The following ECT2L variants were observed in gnomAD, a reference collection of about 807,000 sequenced individuals.
The protein encoded by ECT2L is epithelial cell transforming 2 like, also known as epithelial cell-transforming sequence 2 oncogene-like.
A neutral mutation model predicts 122.8 loss-of-function variants in ECT2L; 126 were observed. The observed-to-expected ratio is 1.03, with a 90% CI of 0.89 to 1.19. The LOEUF is 1.19. ECT2L is among the 50% of genes most tolerant of loss of function. The pLI is 0.00. For synonymous variants in ECT2L, 385 were observed against 381.8 expected (o/e 1.01, Z -0.10); for missense variants, 1,012 against 1,064.1 (o/e 0.95, Z 0.68).
intron 1 of ECT2L, among the ~76,000 whole-genome samples, chr6:138,797,792 G>C (rs1328524557): frequency 1.3e-5 from 2 of 151,856 alleles, no homozygotes; most frequent in African/African-American, 2.4e-5. Context: ...ATTTAACCCA[G>C]TTCTGACACT....
chr6:138,849,252 T>C lies in ECT2L; in HGVS notation c.904-17T>C. The C allele has an allele frequency of 1.3e-6, 2 of 1,588,270 alleles. No individual in the cohort carries two copies. The highest frequency in any genetic ancestry group is 1.8e-5 in the Admixed American group (1 of 55,588). ...ATAGTGGGTCTTGGCTCTTACAGCT[T>C]TGGTTTCATTCTCCAGATGGTGATG... On this transcript the variant is annotated splice_polypyrimidine_tract_variant and intron_variant, in intron 8 of 21. Transcript: ENST00000541398.
chr6:138,844,111 G>A (rs1415947163), intron 6 of ECT2L, among the ~76,000 whole-genome samples: 1 of 152,204 alleles, frequency 6.6e-6, no homozygotes, highest in Non-Finnish European at 1.5e-5. Flanking sequence ...ATTGCTTGAA[G>A]GCAAGAAGAA....
intron 12 of ECT2L, among the ~76,000 whole-genome samples, chr6:138,867,229 A>G (rs1211460729): frequency 6.6e-6 from 1 of 152,246 alleles, no homozygotes; most frequent in Non-Finnish European, 1.5e-5. Context: ...TCCAATTTAT[A>G]CATTTCATTC....
At chr6:138,844,310 C>T (rs186059309) in intron 6 of ECT2L, 102 bp from the exon 7 acceptor site, 1 of 1,364,490 alleles carries the variant, frequency 7.3e-7, no homozygotes. Context: ...TCATTTGGAA[C>T]CTTGCCCTGG....
At chr6:138,860,177 T>C (rs1272046858) in intron 10 of ECT2L, among the ~76,000 whole-genome samples, 1 of 152,188 alleles carries the variant, frequency 6.6e-6, no homozygotes, top group African/African-American at 2.4e-5. Flanking sequence ...TGCTCTTGTA[T>C]AGATCATCTT....
chr6:138,884,073 C>T (rs1488234666), intron 16 of ECT2L, among the ~76,000 whole-genome samples: 2 of 151,980 alleles, frequency 1.3e-5, no homozygotes, highest in Non-Finnish European at 2.9e-5. Flanking sequence ...ACCATGTTGT[C>T]CAGGCTGGTC....
At chr6:138,902,028 T>C (rs1779412885) in intron 21 of ECT2L, among the ~76,000 whole-genome samples, 1 of 152,246 alleles carries the variant, frequency 6.6e-6, no homozygotes, top group Non-Finnish European at 1.5e-5. Context: ...TCTCCTTCAG[T>C]TCCCCTCCCA....
chr6:138,824,045 C>T (rs1047417770), intron 4 of ECT2L, among the ~76,000 whole-genome samples: 2 of 151,134 alleles, frequency 1.3e-5, no homozygotes, highest in African/African-American at 2.4e-5. Flanking sequence ...GTGAATAACA[C>T]TCTGCTGTAA....
intron 10 of ECT2L, among the ~76,000 whole-genome samples, chr6:138,855,697 G>A (rs535172615): frequency 2.6e-4 from 40 of 152,290 alleles, no homozygotes; most frequent in Admixed American, 6.5e-4. Flanking sequence ...GTGAGGTGGT[G>A]TATGTATAGA....
At chr6:138,880,498 T>C (rs1778608608) in intron 14 of ECT2L, among the ~76,000 whole-genome samples, 1 of 152,148 alleles carries the variant, frequency 6.6e-6, no homozygotes, top group African/African-American at 2.4e-5. Flanking sequence ...GCTAGCTCAT[T>C]TCAGTTCTTC....
chr6:138,833,629 C>A (rs747338607), intron 4 of ECT2L, among the ~76,000 whole-genome samples: 4 of 151,910 alleles, frequency 2.6e-5, no homozygotes, highest in Admixed American at 1.3e-4. Flanking sequence ...GTGACGAAAC[C>A]CTGTCTTCAC....
chr6:138,844,510 G>T lies in ECT2L; in HGVS notation c.694G>T (p.Glu232Ter), dbSNP rs1777153268. Residue 232 changes from glutamate (E) to a stop codon, truncating the protein, a stop_gained, in exon 7 of 22, where the codon GAG becomes TAG. Transcript: ENST00000541398. LOFTEE classifies it high-confidence loss of function. ...CQPRLSQTVRERVGLHEALEK... is the reference protein window; with the variant it reads ...CQPRLSQTVR Reference sequence around the variant, plus strand: ...ACCACGCCTCTCCCAGACTGTAAGGGAGCGAGTGGGATTACATGAAGCTTT... The same window carrying T: ...ACCACGCCTCTCCCAGACTGTAAGGTAGCGAGTGGGATTACATGAAGCTTT... The T allele has an allele frequency of 6.2e-7, 1 of 1,614,038 alleles. No individual in the cohort carries two copies.
intron 16 of ECT2L, among the ~76,000 whole-genome samples, 168 bp from the exon 17 acceptor site, chr6:138,885,338 C>T (rs1373257837): frequency 6.6e-6 from 1 of 152,114 alleles, no homozygotes; most frequent in Non-Finnish European, 1.5e-5. Context: ...AACACACATT[C>T]TTAACATATT....
chr6:138,883,969 TCCTCC>T (rs1396651438), intron 16 of ECT2L, among the ~76,000 whole-genome samples: 1 of 152,112 alleles, frequency 6.6e-6, no homozygotes, highest in Non-Finnish European at 1.5e-5. Flanking sequence ...GCTCAGGTGA[TCCTCC>T]CACCTCAGCC....
intron 6 of ECT2L, among the ~76,000 whole-genome samples, chr6:138,844,196 C>T (rs918740761): frequency 6.6e-6 from 1 of 152,184 alleles, no homozygotes; most frequent in Non-Finnish European, 1.5e-5. Flanking sequence ...TTTGCTTGTT[C>T]TCTGAGCTTT....
Position 138,843,242 on chromosome 6 carries a change from T to A in ECT2L, c.595+11T>A, listed in dbSNP as rs1562469324. The A allele has an allele frequency of 6.4e-7, 1 of 1,568,956 alleles. No individual in the cohort carries two copies. On this transcript the variant is annotated intron_variant, in intron 6 of 21. Coordinates refer to ENST00000541398, the MANE Select transcript of ECT2L (RefSeq NM_001077706.3). ...TTGCACTACGTAAGAGTAAGTAGCA[T>A]TTTAAACCTTTATATCTTAGGTAAA...
intron 10 of ECT2L, among the ~76,000 whole-genome samples, chr6:138,859,224 G>A (rs142799619): frequency 1.3e-5 from 2 of 152,182 alleles, no homozygotes; most frequent in East Asian, 1.9e-4. Context: ...TTACCCATCC[G>A]ATCCATGTAT....
chr6:138,847,598 C>T (rs562319398), intron 8 of ECT2L, among the ~76,000 whole-genome samples: 35 of 147,632 alleles, frequency 2.4e-4, no homozygotes, highest in Middle Eastern at 3.5e-3. Flanking sequence ...AGGATGGTCT[C>T]GATCTCCTGA....
intron 19 of ECT2L, 34 bp downstream of exon 19, chr6:138,886,956 C>T (rs756849301): frequency 1.3e-6 from 2 of 1,539,494 alleles, no homozygotes; most frequent in South Asian, 1.1e-5. Context: ...GTATCTCATG[C>T]TCATGAATAC....
Sources: allele counts gnomAD v4.1 joint callset (sites outside exome capture counted in the v4.1 genomes callset), GRCh38; gene constraint gnomAD v4.1.1; transcripts MANE v1.5; gene names NCBI Gene and HGNC (gene_info 2026-07-23, HGNC 2026-07-21).